KIF13B: variants seen among roughly 807,000 people sequenced by gnomAD.
KIF13B encodes the protein kinesin family member 13B, also known as kinesin-like protein KIF13B.
Under a neutral mutation model 222.0 loss-of-function variants are expected in KIF13B, and 127 were observed. That is an observed-to-expected ratio of 0.57 (90% confidence interval 0.50 to 0.66). The LOEUF (loss-of-function observed/expected upper bound fraction) is 0.66, where lower values mean the gene tolerates loss of function less well. Ranked by LOEUF, KIF13B falls within the 30% of genes least tolerant of loss-of-function variation. The probability of loss-of-function intolerance (pLI) is 0.00; values close to 1 mark genes in which losing one functional copy is unlikely to be tolerated. For missense variants in KIF13B, 2,173 were observed against 2,379.0 expected, an observed-to-expected ratio of 0.91 and a Z score of 1.80; for synonymous variants, 976 against 919.0, an observed-to-expected ratio of 1.06 and a Z score of -1.12.
chr8:29,244,102 C>T (rs372003878), intron 2 of KIF13B, among the ~76,000 whole-genome samples: 1 of 151,924 alleles, frequency 6.6e-6, no homozygotes, highest in African/African-American at 2.4e-5. Context: ...CAACCTCTGC[C>T]TCCCAGGTTC....
chr8:29,245,499 C>T, intron 1 of KIF13B, 60 bp from the exon 2 acceptor site: 1 of 1,263,484 alleles, frequency 7.9e-7, no homozygotes, highest in South Asian at 1.3e-5. Context: ...TCAGAAAAGG[C>T]AAAATTCAGA....
intron 30 of KIF13B, among the ~76,000 whole-genome samples, 164 bp downstream of exon 30, chr8:29,118,704 G>A (rs977711486): frequency 6.6e-6 from 1 of 152,196 alleles, no homozygotes; most frequent in African/African-American, 2.4e-5. Flanking sequence ...GATGTAATAT[G>A]ATGTTCAAGC....
chr8:29,104,080 G>A lies in KIF13B; in HGVS notation c.4215+4059C>T, dbSNP rs1177235332. On this transcript the variant is annotated intron_variant, in intron 35 of 39. Transcript: ENST00000524189. ...TCCCCTGGACTTCTGAGACTCCCTTGGCCCTGTCTTCATTCCTCCCTGGCG... is the reference window on the plus strand; with the variant it reads ...TCCCCTGGACTTCTGAGACTCCCTTAGCCCTGTCTTCATTCCTCCCTGGCG... Among the ~76,000 whole-genome samples the A allele has an allele frequency of 2.0e-5, 3 of 151,934 alleles. No individual in the cohort carries two copies. The East Asian group carries it at 5.8e-4, about 29-fold the overall frequency.
chr8:29,133,504 T>C (rs1415423052), intron 22 of KIF13B, among the ~76,000 whole-genome samples: 1 of 152,136 alleles, frequency 6.6e-6, no homozygotes, highest in Non-Finnish European at 1.5e-5. Context: ...GGCAGGAGAA[T>C]CGCTTGAACC....
At chr8:29,236,354 G>C (rs1815507348) in intron 2 of KIF13B, among the ~76,000 whole-genome samples, 1 of 152,162 alleles carries the variant, frequency 6.6e-6, no homozygotes, top group Admixed American at 6.5e-5. Flanking sequence ...ATGTAGCTAG[G>C]ACAGTATCAG....
intron 22 of KIF13B, 115 bp downstream of exon 22, chr8:29,133,925 A>C: frequency 9.9e-7 from 1 of 1,008,378 alleles, no homozygotes; most frequent in Non-Finnish European, 1.4e-6. Context: ...CACACTCTAC[A>C]GAAACTGCTC....
At chr8:29,209,134 C>T (rs576376978) in intron 2 of KIF13B, among the ~76,000 whole-genome samples, 10 of 152,190 alleles carry the variant, frequency 6.6e-5, no homozygotes, top group African/African-American at 2.2e-4. Flanking sequence ...TGCAAGTTTA[C>T]GTTTCTACAA....
At chr8:29,184,922 G>A (rs776185786) in intron 6 of KIF13B, among the ~76,000 whole-genome samples, 17 of 152,084 alleles carry the variant, frequency 1.1e-4, no homozygotes, top group East Asian at 1.9e-4. Flanking sequence ...TACCTGGACC[G>A]TAAGGTACTC....
chr8:29,131,349 A>AT (rs1276633135), intron 23 of KIF13B, among the ~76,000 whole-genome samples: 3 of 151,114 alleles, frequency 2.0e-5, no homozygotes, highest in African/African-American at 7.3e-5. Flanking sequence ...AAAAAAAAAA[A>AT]GGAAAAAAAA....
chr8:29,110,091 C>T, intron 32 of KIF13B, 21 bp from the exon 33 acceptor site: 5 of 1,550,566 alleles, frequency 3.2e-6, no homozygotes, highest in African/African-American at 2.7e-5. Flanking sequence ...GAAAGTTATA[C>T]ATTATAAAAG....
chr8:29,130,552 C>T lies in KIF13B; in HGVS notation c.3056G>A (p.Gly1019Glu). Reference protein sequence around the residue: ...VISAKDVPTGGIFQLRQGQSR... With the variant: ...VISAKDVPTGEIFQLRQGQSR... ...TGTTACCTGCCGGAGCTGGAAGATT[C>T]CTCCTGTTGGGACATCCTTTGCAGA... The change falls in exon 24 of 40, where the codon GGA becomes GAA. Residue 1019 changes from glycine (G) to glutamate (E), a missense_variant. Coordinates refer to ENST00000524189, the MANE Select transcript of KIF13B (RefSeq NM_015254.4). 1 of 1,613,782 alleles carries T rather than the reference C, an allele frequency of 6.2e-7. No homozygotes were observed. The highest frequency in any genetic ancestry group is 8.5e-7 in the Non-Finnish European group (1 of 1,179,748).
chr8:29,188,458 G>T, intron 5 of KIF13B, 57 bp downstream of exon 5: 1 of 1,073,946 alleles, frequency 9.3e-7, no homozygotes, highest in South Asian at 1.4e-5. Context: ...AAATAAACAT[G>T]GTTCTATTTT....
Position 29,127,132 on chromosome 8 carries a change from T to C in KIF13B, c.3212A>G (p.Glu1071Gly). ...GGTATAGAAACTTACATGGAAGGTC[T>C]CATGTGTTCTGGGGGCTCTGAGCGG... ...VRPLRAPRTH[E>G]TFHEEEEDMD... is the part of the protein sequence containing the mutation. Residue 1071 changes from glutamate (E) to glycine (G), a missense_variant, in exon 25 of 40, where the codon GAG (glutamate) becomes GGG (glycine). Physicochemically the swap from Glu to Gly is moderately conservative, Grantham distance 98. This residue lies in a region of KIF13B where 1,480 missense variants were observed against 1,722.8 expected (regional missense o/e 0.86). Transcript: ENST00000524189. The C allele has an allele frequency of 1.2e-6, 2 of 1,613,774 alleles. No individual in the cohort carries two copies. The highest frequency in any genetic ancestry group is 1.7e-6 in the Non-Finnish European group (2 of 1,179,732).
intron 17 of KIF13B, 32 bp from the exon 18 acceptor site, chr8:29,146,572 G>C (rs1811070742): frequency 1.3e-6 from 2 of 1,592,682 alleles, no homozygotes; most frequent in East Asian, 4.5e-5. Context: ...GCAGAGGTAG[G>C]GAAGAGATTA....
rs375165563 is a variant in KIF13B at position 29,140,027 on chromosome 8, G to C, written c.2613+36C>G. ...AATGGCAAAAACTGCAATGACTTTTGTATCAACGTAATACTAGGATGAAGC... is the reference window on the plus strand; with the variant it reads ...AATGGCAAAAACTGCAATGACTTTTCTATCAACGTAATACTAGGATGAAGC... On this transcript the variant is annotated intron_variant, in intron 21 of 39. Coordinates refer to ENST00000524189, the MANE Select transcript of KIF13B (RefSeq NM_015254.4). 9.2e-6 allele frequency: 14 copies of C among 1,529,470 alleles called. No individual in the cohort carries two copies. The East Asian group carries it at 2.9e-4, about 32-fold the overall frequency. 94.7% of individuals were successfully genotyped at this position (1,529,470 alleles called of 1,614,324 possible).
intron 2 of KIF13B, among the ~76,000 whole-genome samples, chr8:29,224,713 C>T (rs1051366676): frequency 2.0e-5 from 3 of 150,420 alleles, no homozygotes; most frequent in African/African-American, 7.4e-5. Context: ...CTAGAGCATG[C>T]ATCCTTGATT....
intron 2 of KIF13B, among the ~76,000 whole-genome samples, chr8:29,215,158 C>A (rs1454178495): frequency 6.6e-6 from 1 of 152,032 alleles, no homozygotes; most frequent in Non-Finnish European, 1.5e-5. Context: ...CTGAGTTAGG[C>A]TAACATCCTG....
At chr8:29,113,816 CA>C (rs1326732523) in intron 31 of KIF13B, among the ~76,000 whole-genome samples, 1 of 152,210 alleles carries the variant, frequency 6.6e-6, no homozygotes, top group East Asian at 1.9e-4. Flanking sequence ...TGTAAACTGG[CA>C]GTAGGCATCT....
chr8:29,155,261 G>A (rs184377653), intron 14 of KIF13B, among the ~76,000 whole-genome samples: 57 of 152,290 alleles, frequency 3.7e-4, no homozygotes, highest in African/African-American at 1.3e-3. Flanking sequence ...ACAACAGGGC[G>A]ATGGTCCGAT....
Sources: allele counts gnomAD v4.1 joint callset (sites outside exome capture counted in the v4.1 genomes callset), GRCh38; gene constraint gnomAD v4.1.1; regional missense constraint gnomAD v4.1.1; transcripts MANE v1.5; gene names NCBI Gene and HGNC (gene_info 2026-07-23, HGNC 2026-07-21).